The following XRN1 variants were observed in gnomAD, a reference collection of about 807,000 sequenced individuals.
XRN1 encodes 5'-3' exoribonuclease 1, also known as strand-exchange protein 1 homolog.
A neutral mutation model predicts 222.3 loss-of-function variants in XRN1; 67 were observed. The observed-to-expected ratio is 0.30, with a 90% CI of 0.25 to 0.37. The LOEUF (loss-of-function observed/expected upper bound fraction) is 0.37. Among genes scored for constraint, XRN1 ranks in the 10% least tolerant of loss-of-function variants. The probability of loss-of-function intolerance (pLI) is 1.00; values close to 1 mark genes in which losing one functional copy is unlikely to be tolerated. For missense variants in XRN1, 1,707 were observed against 2,000.2 expected (o/e 0.85, Z 2.80); for synonymous variants, 643 against 652.4 (o/e 0.99, Z 0.22).
At position 142,332,398 on chromosome 3, in the gene XRN1, T is replaced by C. The variant is rs2065724743; in HGVS notation, c.4199A>G (p.Gln1400Arg). ...ACCTAATTTCTTATTTTGTTTAGGC[T>C]GAGAGGGTAATCCATATTCATCTCT... ...NRRDEYGLPS[Q>R]PKQNKKLASY... Residue 1400 changes from glutamine (Q) to arginine (R), a missense_variant, in exon 36 of 41, where the codon CAG (glutamine) becomes CGG (arginine). Physicochemically the swap from Gln to Arg is conservative, Grantham distance 43. Transcript: ENST00000392981. 6.2e-7 allele frequency: 1 copy of C among 1,608,550 alleles called. No individual in the cohort carries two copies. Among genetic ancestry groups the C allele is most frequent in the Non-Finnish European group, 8.5e-7 (1 of 1,176,752 alleles).
At position 142,334,318 on chromosome 3, in the gene XRN1, T is replaced by C. The variant is rs192104917; in HGVS notation, c.3939+1130A>G. The stretch of plus-strand genomic sequence containing the variant: ...AATGGGTTCCATTTACTACCTGTTA[T>C]GTGCCAAATATTCAGCTAAGACCTT... On this transcript the variant is annotated intron_variant, in intron 34 of 40. Coordinates refer to ENST00000392981, the MANE Select transcript of XRN1 (RefSeq NM_001282857.2). 3.9e-3 allele frequency among the ~76,000 whole-genome samples: 588 copies of C among 152,182 alleles called. 11 individuals are homozygous for C. The highest frequency in any genetic ancestry group is 0.014 in the African/African-American group (574 of 41,542).
chr3:142,390,451 G>T (rs922951052), intron 20 of XRN1, among the ~76,000 whole-genome samples: 3 of 152,120 alleles, frequency 2.0e-5, no homozygotes, highest in African/African-American at 7.2e-5. Context: ...TTATGAAGAT[G>T]GCTTCTTTCC....
chr3:142,356,979 G>C lies in XRN1; in HGVS notation c.3605C>G (p.Ser1202Ter), dbSNP rs576380585. The C allele has an allele frequency of 6.2e-7, 1 of 1,614,100 alleles. No homozygotes were observed. The highest frequency in any genetic ancestry group is 1.7e-5 in the Admixed American group (1 of 60,024). The change falls in exon 31 of 41, where the codon TCA (serine) becomes TGA (stop). Residue 1202 changes from serine to a stop codon, truncating the protein, a stop_gained. Transcript: ENST00000392981. LOFTEE classifies it high-confidence loss of function. Reference sequence around the variant, plus strand: ...TCCCAAATGCCCAGAGGAAACTGATGAACTTGAGCTATGTTGATGTACAGC... The same window carrying C: ...TCCCAAATGCCCAGAGGAAACTGATCAACTTGAGCTATGTTGATGTACAGC... ...QPAVHQHSSSSSVSSGHLGAL... is the reference protein window; with the variant it reads ...QPAVHQHSSS
intron 15 of XRN1, among the ~76,000 whole-genome samples, chr3:142,410,790 G>A (rs1577386765): frequency 6.6e-6 from 1 of 151,932 alleles, no homozygotes; most frequent in African/African-American, 2.4e-5. Context: ...CACCGTGCCC[G>A]GCCTCATGTT....
chr3:142,432,978 T>TG, intron 1 of XRN1, 85 bp from the exon 2 acceptor site: 1 of 1,024,848 alleles, frequency 9.8e-7, no homozygotes, highest in African/African-American at 1.6e-5. Flanking sequence ...GATTATTCAA[T>TG]GATGAAAAGC....
intron 29 of XRN1, among the ~76,000 whole-genome samples, chr3:142,362,288 C>T (rs1253631754): frequency 2.0e-5 from 3 of 152,072 alleles, no homozygotes; most frequent in Non-Finnish European, 2.9e-5. Flanking sequence ...CAGGCATGCA[C>T]CACCATGCCT....
At chr3:142,404,158 T>C (rs2068252298) in intron 16 of XRN1, among the ~76,000 whole-genome samples, 169 bp from the exon 17 acceptor site, 2 of 152,156 alleles carry the variant, frequency 1.3e-5, no homozygotes, top group Non-Finnish European at 2.9e-5. Context: ...CTCTCTATTG[T>C]TACTGGTCTA....
In XRN1 at chr3:142,310,465, C is replaced by T; in HGVS notation, c.*1046G>A. 6.6e-6 allele frequency: 1 copy of T among 152,474 alleles called. No homozygotes were observed. Among genetic ancestry groups the T allele is most frequent in the Non-Finnish European group, 1.5e-5 (1 of 68,012 alleles). 9.4% of individuals were successfully genotyped at this position (152,474 alleles called of 1,614,324 possible). On this transcript the variant is annotated 3_prime_UTR_variant, in exon 41 of 41. Transcript: ENST00000392981. ...AGAATCCCAGCATCATTGAACAGTT[C>T]AGCATAAAGCTAAAAATATAGAATC...
intron 15 of XRN1, among the ~76,000 whole-genome samples, chr3:142,410,487 GT>G (rs751870329): frequency 0.089 from 6,001 of 67,158 alleles, 23 homozygotes; most frequent in Non-Finnish European, 0.097. Flanking sequence ...TCTATCTCAT[GT>G]TTTTTTTTTT....
intron 33 of XRN1, among the ~76,000 whole-genome samples, chr3:142,338,723 C>T (rs935063510): frequency 5.3e-5 from 8 of 152,158 alleles, no homozygotes; most frequent in Admixed American, 4.6e-4. Context: ...GGGAACCCCA[C>T]TGCCCTGAAG....
In XRN1 at chr3:142,397,475, TA is replaced by T. The variant is rs1559848225; in HGVS notation, c.2208-16del. The T allele has an allele frequency of 6.4e-7, 1 of 1,567,768 alleles. No homozygotes were observed. The highest frequency in any genetic ancestry group is 8.6e-7 in the Non-Finnish European group (1 of 1,159,212). ...CCAAGTAAAACCTTAAGAGTTAAAA[TA>T]AAAATTATATAACCAAAATGTTCTG... is the stretch of plus-strand genomic sequence containing the variant. On this transcript the variant is annotated splice_polypyrimidine_tract_variant and intron_variant, in intron 19 of 40. Transcript: ENST00000392981.
intron 33 of XRN1, 144 bp downstream of exon 33, chr3:142,347,090 T>G (rs994788334): frequency 1.4e-5 from 9 of 621,948 alleles, no homozygotes; most frequent in African/African-American, 1.9e-5. Context: ...GGTTATACAA[T>G]TTTGTGAAAA....
At chr3:142,444,905 T>C (rs1247621956) in intron 1 of XRN1, among the ~76,000 whole-genome samples, 2 of 152,190 alleles carry the variant, frequency 1.3e-5, no homozygotes, top group Non-Finnish European at 2.9e-5. Context: ...TTTTACAACA[T>C]ACTAATATAC....
chr3:142,421,395 T>C (rs1229993933), intron 9 of XRN1, 81 bp downstream of exon 9: 3 of 1,167,796 alleles, frequency 2.6e-6, no homozygotes, highest in Non-Finnish European at 3.6e-6. Flanking sequence ...ATAAAACCCC[T>C]TTCTTCTGGT....
chr3:142,423,758 T>C (rs2069134561), intron 5 of XRN1, 116 bp from the exon 6 acceptor site: 1 of 705,292 alleles, frequency 1.4e-6, no homozygotes, highest in Non-Finnish European at 2.2e-6. Flanking sequence ...ATTAGCACAT[T>C]AAATATACAA....
intron 19 of XRN1, among the ~76,000 whole-genome samples, chr3:142,399,288 T>A (rs2068042111): frequency 6.8e-6 from 1 of 148,040 alleles, no homozygotes. Context: ...CTACCTGATG[T>A]TAAGACCATG....
At chr3:142,332,343 A>T (rs1030220025) in intron 36 of XRN1, 32 bp downstream of exon 36, 2 of 1,443,706 alleles carry the variant, frequency 1.4e-6, no homozygotes, top group Non-Finnish European at 1.9e-6. Context: ...TTTTAAAATG[A>T]TATTATTGGT....
intron 32 of XRN1, among the ~76,000 whole-genome samples, chr3:142,353,218 G>A (rs1374167657): frequency 6.6e-6 from 1 of 151,928 alleles, no homozygotes; most frequent in African/African-American, 2.4e-5. Flanking sequence ...CTATGACTTC[G>A]TAAATAACTA....
At chr3:142,445,299 C>T (rs1334062155) in intron 1 of XRN1, among the ~76,000 whole-genome samples, 1 of 151,988 alleles carries the variant, frequency 6.6e-6, no homozygotes, top group Non-Finnish European at 1.5e-5. Context: ...TTCTTAATGC[C>T]TTTTAACTCA....
Sources: gnomAD v4.1 joint callset for allele counts (sites outside exome capture counted in the v4.1 genomes callset) on GRCh38, gnomAD v4.1.1 for gene constraint, MANE v1.5 for transcripts, NCBI Gene and HGNC (gene_info 2026-07-23, HGNC 2026-07-21) for gene names.